The following PLXNA4 variants were observed in gnomAD, a reference collection of about 807,000 sequenced individuals.
PLXNA4 encodes plexin A4.
PLXNA4 carries 44 observed loss-of-function variants against 191.8 expected under a neutral mutation model. The ratio of observed to expected loss-of-function variants is 0.23; its 90% CI spans 0.18 to 0.29. PLXNA4 has a LOEUF of 0.29. PLXNA4 is among the 10% of genes least tolerant of loss of function. PLXNA4 has a pLI of 1.00. For missense variants in PLXNA4, 1,800 were observed against 2,488.8 expected (o/e 0.72, Z 5.89); for synonymous variants, 1,082 against 1,009.5 (o/e 1.07, Z -1.36).
intron 3 of PLXNA4, among the ~76,000 whole-genome samples, chr7:132,389,944 T>C (rs1370575265): frequency 1.3e-5 from 2 of 152,124 alleles, no homozygotes; most frequent in Non-Finnish European, 1.5e-5. Flanking sequence ...TGTGGAGAAA[T>C]AGGAATGCTT....
At chr7:132,172,550 G>C (rs1435548563) in intron 21 of PLXNA4, among the ~76,000 whole-genome samples, 2 of 150,010 alleles carry the variant, frequency 1.3e-5, no homozygotes, top group South Asian at 4.2e-4. Flanking sequence ...GAACACCAAG[G>C]GGGAGAAACT....
chr7:132,480,951 G>A (rs1423199879), intron 3 of PLXNA4, among the ~76,000 whole-genome samples: 1 of 152,186 alleles, frequency 6.6e-6, no homozygotes, highest in Non-Finnish European at 1.5e-5. Flanking sequence ...GCAGCCAGCT[G>A]AGGCTGAATG....
chr7:132,180,070 G>C, intron 19 of PLXNA4, 149 bp from the exon 20 acceptor site: 2 of 1,377,182 alleles, frequency 1.5e-6, no homozygotes, highest in Non-Finnish European at 1.9e-6. Flanking sequence ...GGCATGGGGG[G>C]CTGGGAGCGG....
chr7:132,160,874 T>G (rs1481266667), intron 24 of PLXNA4, among the ~76,000 whole-genome samples: 1 of 152,086 alleles, frequency 6.6e-6, no homozygotes, highest in Non-Finnish European at 1.5e-5. Context: ...CATTAGCAAC[T>G]AGACTGCTAT....
chr7:132,194,318 C>G, intron 13 of PLXNA4, 139 bp from the exon 14 acceptor site: 1 of 1,350,502 alleles, frequency 7.4e-7, no homozygotes, highest in South Asian at 1.6e-5. Context: ...GGAAGATATC[C>G]TAATTCCTCC....
At chr7:132,286,716 A>G (rs1207605588) in intron 4 of PLXNA4, among the ~76,000 whole-genome samples, 1 of 152,224 alleles carries the variant, frequency 6.6e-6, no homozygotes, top group Non-Finnish European at 1.5e-5. Flanking sequence ...CCAATCTGTG[A>G]TAACTTCATA....
At chr7:132,611,419 C>T (rs145441031) in intron 2 of PLXNA4, among the ~76,000 whole-genome samples, 81 of 152,308 alleles carry the variant, frequency 5.3e-4, no homozygotes, top group African/African-American at 1.6e-3. Context: ...ATCCACGCTC[C>T]GACACAGAAC....
At chr7:132,189,000 G>GGAAAGGAAAGGA (rs1796988049) in intron 14 of PLXNA4, among the ~76,000 whole-genome samples, 1 of 14,762 alleles carries the variant, frequency 6.8e-5, no homozygotes, top group Non-Finnish European at 1.2e-4. Context: ...AAAGGAGAGA[G>GGAAAGGAAAGGA]AGAGAGAGAG....
chr7:132,225,397 G>A (rs139132046), intron 8 of PLXNA4, among the ~76,000 whole-genome samples: 29 of 152,278 alleles, frequency 1.9e-4, no homozygotes, highest in Non-Finnish European at 3.4e-4. Flanking sequence ...CAGTGCTCCT[G>A]CCACGTCAGT....
At chr7:132,189,056 G>GAGAGAGAGAGAA (rs1797007172) in intron 14 of PLXNA4, among the ~76,000 whole-genome samples, 3 of 102,484 alleles carry the variant, frequency 2.9e-5, no homozygotes, top group African/African-American at 1.1e-4. Flanking sequence ...GAGAGAGAGA[G>GAGAGAGAGAGAA]AGAGAGAGAG....
intron 5 of PLXNA4, among the ~76,000 whole-genome samples, chr7:132,238,017 T>C (rs1798759967): frequency 6.6e-6 from 1 of 152,162 alleles, no homozygotes; most frequent in South Asian, 2.1e-4. Context: ...CACATTTTTC[T>C]CATTTTGCAG....
chr7:132,351,890 G>A (rs182909883), intron 3 of PLXNA4, among the ~76,000 whole-genome samples: 38 of 152,250 alleles, frequency 2.5e-4, no homozygotes, highest in African/African-American at 8.2e-4. Context: ...GAAGAAAAGA[G>A]CATGCAGAGA....
rs1361882048 is a variant in PLXNA4, at chr7:132,470,810, GAAA to G, written c.1371+18479_1371+18481del. On this transcript the variant is annotated intron_variant, in intron 3 of 31. Transcript: ENST00000321063. ...GGAATGTGGGTGGCCTTTAGAAGCT[GAAA>G]AAGACAGGAAATAGATTATCTCCTA... Among the ~76,000 whole-genome samples, 12 of 152,256 alleles carry G rather than the reference GAAA, an allele frequency of 7.9e-5. 1 individual carries two copies. The East Asian group carries it at 2.3e-3, about 29-fold the overall frequency.
At chr7:132,633,862 T>A (rs1478679661) in intron 2 of PLXNA4, among the ~76,000 whole-genome samples, 1 of 152,114 alleles carries the variant, frequency 6.6e-6, no homozygotes. Context: ...CCCATCAGTA[T>A]CTTCTCCCTT....
At chr7:132,235,968 T>C (rs1798686975) in intron 5 of PLXNA4, among the ~76,000 whole-genome samples, 1 of 152,156 alleles carries the variant, frequency 6.6e-6, no homozygotes, top group Non-Finnish European at 1.5e-5. Flanking sequence ...ATACTTAGCA[T>C]TGCTGAAGCT....
chr7:132,478,380 T>A (rs912582121), intron 3 of PLXNA4, among the ~76,000 whole-genome samples: 1 of 152,232 alleles, frequency 6.6e-6, no homozygotes, highest in Non-Finnish European at 1.5e-5. Context: ...TAAAAAAATA[T>A]GTTTACTCAT....
At position 132,132,488 on chromosome 7, in the gene PLXNA4, C is replaced by CTTTCTATTCTATTCTAT. The variant is rs1563048489; in HGVS notation, c.5589+560_5589+561insATAGAATAGAATAGAAA. ...TTCTGCTCTGCTCTGCTCTGCTCTG[C>CTTTCTATTCTATTCTAT]TCTATTCTTTTCTATTCTATTCTAT... On this transcript the variant is annotated intron_variant, in intron 31 of 31. Coordinates refer to ENST00000321063, the MANE Select transcript of PLXNA4 (RefSeq NM_020911.2). Among the ~76,000 whole-genome samples the CTTTCTATTCTATTCTAT allele has an allele frequency of 1.3e-3, 113 of 84,482 alleles. 4 individuals carry two copies. Among genetic ancestry groups the CTTTCTATTCTATTCTAT allele is most frequent in the East Asian group, 2.2e-3 (6 of 2,780 alleles). The allele number at this position is 84,482 out of a possible 152,430, so 55.4% of individuals were successfully genotyped here. A position where few individuals can be genotyped will look rare whatever the true frequency, so the allele number is the denominator to read the frequency against.
intron 1 of PLXNA4, among the ~76,000 whole-genome samples, chr7:132,539,358 C>T (rs915373766): frequency 1.3e-5 from 2 of 152,202 alleles, no homozygotes; most frequent in Non-Finnish European, 2.9e-5. Context: ...CCGGCAGTTA[C>T]GAATTGGAGG....
intron 5 of PLXNA4, among the ~76,000 whole-genome samples, chr7:132,233,921 A>AAAC (rs1798607298): frequency 6.6e-6 from 1 of 152,056 alleles, no homozygotes. Context: ...AGATGATCCC[A>AAAC]AACCAAACCA....
Sources: gnomAD v4.1 joint callset for allele counts (sites outside exome capture counted in the v4.1 genomes callset) on GRCh38, gnomAD v4.1.1 for gene constraint, MANE v1.5 for transcripts, NCBI Gene and HGNC (gene_info 2026-07-23, HGNC 2026-07-21) for gene names.